Variants in ATRX observed in about 807,000 individuals in gnomAD.
ATRX encodes the protein chromatin remodeler ATRX.
In ATRX, 12 loss-of-function variants were observed where a neutral mutation model predicts 172.6. The ratio of observed to expected loss-of-function variants is 0.07; its 90% confidence interval spans 0.04 to 0.11. ATRX has a LOEUF of 0.11. ATRX is among the 10% of genes least tolerant of loss of function. ATRX has a pLI of 1.00. For synonymous variants in ATRX, 674 were observed against 594.7 expected, an observed-to-expected ratio of 1.13 and a Z score of -1.94; for missense variants, 1,368 against 1,767.4, an observed-to-expected ratio of 0.77 and a Z score of 4.05.
At chrX:77,656,175 T>G (rs1273527067) in intron 13 of ATRX, among the ~76,000 whole-genome samples, 1 of 111,682 alleles carries the variant, frequency 9.0e-6, no homozygotes, top group Non-Finnish European at 1.9e-5. Context: ...TCAAGTATAT[T>G]GTAATCCCCC....
chrX:77,527,627 A>G (rs1313117966), intron 30 of ATRX, among the ~76,000 whole-genome samples: 1 of 111,470 alleles, frequency 9.0e-6, no homozygotes, highest in Non-Finnish European at 1.9e-5. Context: ...GATCCCCGCC[A>G]AGGCATAAAA....
At chrX:77,671,560 A>G (rs1432277713) in intron 10 of ATRX, among the ~76,000 whole-genome samples, 2 of 110,445 alleles carry the variant, frequency 1.8e-5, no homozygotes, top group African/African-American at 3.3e-5. Context: ...TTAACAAGAA[A>G]AAATATATTC....
intron 28 of ATRX, among the ~76,000 whole-genome samples, chrX:77,571,733 T>C (rs1557067508): frequency 2.7e-5 from 3 of 111,441 alleles, no homozygotes; most frequent in East Asian, 2.8e-4. Context: ...GATTTAACCA[T>C]TGGGGAAAAT....
intron 22 of ATRX, chrX:77,616,277 G>A: frequency 1.1e-6 from 1 of 870,645 alleles, no homozygotes; most frequent in Non-Finnish European, 1.4e-6. Flanking sequence ...TATTATTAAT[G>A]TGGGTAAATA....
chrX:77,781,923 T>C (rs1374365783), intron 1 of ATRX, among the ~76,000 whole-genome samples: 3 of 112,362 alleles, frequency 2.7e-5, no homozygotes, highest in Non-Finnish European at 5.6e-5. Context: ...CAATTACTTA[T>C]GAAACAATTA....
At chrX:77,586,857 A>G (rs1471310669) in intron 27 of ATRX, among the ~76,000 whole-genome samples, 1 of 111,050 alleles carries the variant, frequency 9.0e-6, no homozygotes, top group Non-Finnish European at 1.9e-5. Flanking sequence ...CCAGGAGTTC[A>G]AGACCCAGCC....
chrX:77,720,977 C>G (rs1557168700), intron 1 of ATRX, among the ~76,000 whole-genome samples: 1 of 111,714 alleles, frequency 9.0e-6, no homozygotes, highest in African/African-American at 3.3e-5. Flanking sequence ...GCTTATCCAC[C>G]ACGATCAAGT....
chrX:77,661,338 T>C (rs1401827677), intron 12 of ATRX, among the ~76,000 whole-genome samples: 1 of 111,366 alleles, frequency 9.0e-6, no homozygotes, highest in Non-Finnish European at 1.9e-5. Flanking sequence ...TATATCTCAA[T>C]ATAGCTGTTA....
At chrX:77,749,959 T>G (rs1304586179) in intron 1 of ATRX, among the ~76,000 whole-genome samples, 1 of 110,627 alleles carries the variant, frequency 9.0e-6, no homozygotes, top group Non-Finnish European at 1.9e-5. Flanking sequence ...ATCCTCCTTC[T>G]GATGTAACAC....
intron 2 of ATRX, among the ~76,000 whole-genome samples, chrX:77,704,307 C>T (rs1438663071): frequency 2.3e-4 from 26 of 111,949 alleles, no homozygotes; most frequent in African/African-American, 8.1e-4. Flanking sequence ...GTGGGTTGCT[C>T]CTCTCTGCAG....
chrX:77,679,102 C>A (rs1229309936), intron 9 of ATRX, among the ~76,000 whole-genome samples: 1 of 111,132 alleles, frequency 9.0e-6, no homozygotes, highest in East Asian at 2.8e-4. Context: ...AACACTGGCT[C>A]ACACGCAAAC....
rs782028709 is a variant in ATRX, at chrX:77,559,449, CTTTTTTTTTTTTTTTT to C, written c.6327-619_6327-604del. On this transcript the variant is annotated intron_variant, in intron 28 of 34. Transcript: ENST00000373344. Reference sequence around the variant, plus strand: ...TTATAAGGTTTCTTTCTTTCTTTCCCTTTTTTTTTTTTTTTTTTTTTTTTTTTGAGACGGAGACTCA... The same window carrying C: ...TTATAAGGTTTCTTTCTTTCTTTCCCTTTTTTTTTTTGAGACGGAGACTCA... Among the ~76,000 whole-genome samples, 5 of 41,706 alleles carry C rather than the reference CTTTTTTTTTTTTTTTT, an allele frequency of 1.2e-4. No homozygotes were observed. The East Asian group carries it at 5.4e-3, about 45-fold the overall frequency. The allele number at this position is 41,706 out of a possible 115,157, so 36.2% of individuals were successfully genotyped here.
intron 27 of ATRX, among the ~76,000 whole-genome samples, chrX:77,576,638 C>A (rs1569525389): frequency 9.0e-6 from 1 of 111,110 alleles, no homozygotes; most frequent in Admixed American, 9.5e-5. Flanking sequence ...TGGTGCTAGA[C>A]AAAGAGTATA....
intron 1 of ATRX, among the ~76,000 whole-genome samples, chrX:77,742,143 A>C (rs2074901250): frequency 8.9e-6 from 1 of 111,981 alleles, no homozygotes; most frequent in Non-Finnish European, 1.9e-5. Context: ...AAAATAATTA[A>C]AGTGATAAAT....
intron 27 of ATRX, among the ~76,000 whole-genome samples, chrX:77,580,182 A>G (rs1381362178): frequency 8.9e-6 from 1 of 112,038 alleles, no homozygotes; most frequent in African/African-American, 3.2e-5. Context: ...AAATAGCTAC[A>G]AAAAAAGCAA....
intron 19 of ATRX, among the ~76,000 whole-genome samples, chrX:77,632,047 G>A (rs781818925): frequency 9.1e-6 from 1 of 109,998 alleles, no homozygotes; most frequent in African/African-American, 3.3e-5. Context: ...CACCCAGATG[G>A]GAGTGCAGTG....
intron 1 of ATRX, among the ~76,000 whole-genome samples, chrX:77,753,846 T>G (rs2075389289): frequency 8.9e-6 from 1 of 111,836 alleles, no homozygotes; most frequent in Admixed American, 9.6e-5. Flanking sequence ...TGTAGGTTAC[T>G]ATTAGGTCTG....
intron 1 of ATRX, among the ~76,000 whole-genome samples, chrX:77,722,884 A>G (rs782191607): frequency 2.7e-5 from 3 of 112,088 alleles, no homozygotes; most frequent in South Asian, 3.7e-4. Context: ...ATAAAGACAC[A>G]TGCACACATG....
intron 1 of ATRX, among the ~76,000 whole-genome samples, chrX:77,728,474 T>A (rs1211973335): frequency 8.9e-6 from 1 of 111,844 alleles, no homozygotes; most frequent in Non-Finnish European, 1.9e-5. Flanking sequence ...TAGAAACTTT[T>A]GAAATAGTAC....
Sources: allele counts gnomAD v4.1 joint callset (sites outside exome capture counted in the v4.1 genomes callset), GRCh38; gene constraint gnomAD v4.1.1; transcripts MANE v1.5; gene names NCBI Gene and HGNC (gene_info 2026-07-23, HGNC 2026-07-21).